PPP6R3: variants seen among roughly 807,000 people sequenced by gnomAD.
PPP6R3 encodes serine/threonine-protein phosphatase 6 regulatory subunit 3.
In PPP6R3, 38 loss-of-function variants were observed where a neutral mutation model predicts 110.7. That is an observed-to-expected ratio of 0.34 (90% CI 0.26 to 0.45). PPP6R3 has a LOEUF of 0.45. PPP6R3 is among the 20% of genes least tolerant of loss of function. The probability of loss-of-function intolerance (pLI) is 1.00; values close to 1 mark genes in which losing one functional copy is unlikely to be tolerated. For synonymous variants in PPP6R3, 369 were observed against 373.5 expected (o/e 0.99, Z 0.14); for missense variants, 870 against 1,062.4 (o/e 0.82, Z 2.52).
chr11:68,600,574 T>C, intron 20 of PPP6R3, 80 bp downstream of exon 20: 1 of 1,491,726 alleles, frequency 6.7e-7, no homozygotes, highest in Non-Finnish European at 9.0e-7. Context: ...ACGTGTGTTC[T>C]TCACCTTGAC....
intron 19 of PPP6R3, among the ~76,000 whole-genome samples, chr11:68,597,155 T>A (rs1389071832): frequency 2.0e-5 from 3 of 152,220 alleles, no homozygotes; most frequent in Non-Finnish European, 4.4e-5. Context: ...CCACAGACTC[T>A]GCCTCCAGGG....
Position 68,613,599 on chromosome 11 carries a change from T to A in PPP6R3, c.*482T>A. On this transcript the variant is annotated 3_prime_UTR_variant, in exon 24 of 24. Coordinates refer to ENST00000393800, the MANE Select transcript of PPP6R3 (RefSeq NM_001164161.2). The stretch of plus-strand genomic sequence containing the variant: ...CCGACAAGGAGTTGTAGAATGAAAA[T>A]GCCCTCTAAGTGTTATTTTGGTTGT... 46 of 985,994 alleles carry A rather than the reference T, an allele frequency of 4.7e-5. No homozygotes were observed. The highest frequency in any genetic ancestry group is 5.5e-5 in the Non-Finnish European group (46 of 830,104). The allele number at this position is 985,994 out of a possible 1,614,324, so 61.1% of individuals were successfully genotyped here.
intron 1 of PPP6R3, among the ~76,000 whole-genome samples, chr11:68,484,193 TTG>T (rs992622487): frequency 1.1e-4 from 16 of 152,214 alleles, no homozygotes; most frequent in Admixed American, 3.3e-4. Flanking sequence ...GTGCAGGTTT[TTG>T]TGTGGACGTA....
At chr11:68,483,951 T>C (rs1016240601) in intron 1 of PPP6R3, among the ~76,000 whole-genome samples, 2 of 152,230 alleles carry the variant, frequency 1.3e-5, no homozygotes, top group Non-Finnish European at 2.9e-5. Flanking sequence ...CTTTGTCTTT[T>C]CCAGAATGTC....
At position 68,608,409 on chromosome 11, in the gene PPP6R3, G is replaced by C. The variant is rs886781661; in HGVS notation, c.2451-1495G>C. 2.0e-5 allele frequency among the ~76,000 whole-genome samples: 3 copies of C among 152,266 alleles called. No individual in the cohort carries two copies. The East Asian group carries it at 5.8e-4, about 29-fold the overall frequency. ...CGAGCAGCAGTTAAAGGTGGATGAT[G>C]TTGAGTGGCGGTGGGCTGCAGCCTG... On this transcript the variant is annotated intron_variant, in intron 22 of 23. Coordinates refer to ENST00000393800, the MANE Select transcript of PPP6R3 (RefSeq NM_001164161.2).
chr11:68,545,070 C>G (rs1159992035), intron 4 of PPP6R3, 46 bp downstream of exon 4: 6 of 1,421,796 alleles, frequency 4.2e-6, no homozygotes, highest in African/African-American at 1.4e-5. Flanking sequence ...TGATCATCCC[C>G]TTGAGGTGAT....
intron 4 of PPP6R3, among the ~76,000 whole-genome samples, chr11:68,546,421 A>G (rs914966863): frequency 2.6e-5 from 4 of 152,214 alleles, no homozygotes; most frequent in East Asian, 1.9e-4. Flanking sequence ...CAGTGTACAC[A>G]TAAAGAGAGA....
At chr11:68,461,907 C>T (rs772145822) in intron 1 of PPP6R3, among the ~76,000 whole-genome samples, 1 of 152,208 alleles carries the variant, frequency 6.6e-6, no homozygotes, top group African/African-American at 2.4e-5. Flanking sequence ...AACCACCGAA[C>T]TGTGCCTCAA....
chr11:68,503,558 G>C (rs1372168700), intron 1 of PPP6R3, among the ~76,000 whole-genome samples: 1 of 152,218 alleles, frequency 6.6e-6, no homozygotes, highest in Non-Finnish European at 1.5e-5. Flanking sequence ...CAGGCGAGGA[G>C]AATGTTCTAA....
rs929752436 is a variant in PPP6R3 at position 68,601,203 on chromosome 11, C to T, written c.2193-660C>T. Among the ~76,000 whole-genome samples the T allele has an allele frequency of 6.6e-5, 10 of 152,286 alleles. No individual in the cohort carries two copies. In the Middle Eastern group the frequency reaches 0.014, roughly 207 times the overall value. On this transcript the variant is annotated intron_variant, in intron 20 of 23. Coordinates refer to ENST00000393800, the MANE Select transcript of PPP6R3 (RefSeq NM_001164161.2). ...CTTTTCAGTACAGGACATACATTTCCGCCTACTCCTTTTTTTGGTCTGTTT... is the reference window on the plus strand; with the variant it reads ...CTTTTCAGTACAGGACATACATTTCTGCCTACTCCTTTTTTTGGTCTGTTT...
At chr11:68,502,159 T>G (rs1363886049) in intron 1 of PPP6R3, among the ~76,000 whole-genome samples, 1 of 152,224 alleles carries the variant, frequency 6.6e-6, no homozygotes, top group Non-Finnish European at 1.5e-5. Flanking sequence ...GTATGTAATC[T>G]TAAATTTTCT....
chr11:68,511,780 C>T (rs1167747750), intron 1 of PPP6R3, among the ~76,000 whole-genome samples: 3 of 126,504 alleles, frequency 2.4e-5, no homozygotes, highest in South Asian at 5.5e-4. Context: ...TGCGCCCAGC[C>T]GTGTGTGTGT....
At chr11:68,462,593 C>T (rs2098715884) in intron 1 of PPP6R3, among the ~76,000 whole-genome samples, 1 of 152,174 alleles carries the variant, frequency 6.6e-6, no homozygotes, top group Admixed American at 6.5e-5. Flanking sequence ...TTGCAGTATT[C>T]TTCAGCAAAG....
intron 1 of PPP6R3, among the ~76,000 whole-genome samples, chr11:68,513,046 T>A (rs556630039): frequency 1.1e-4 from 16 of 152,224 alleles, no homozygotes; most frequent in Admixed American, 3.9e-4. Flanking sequence ...GCCTTTGGAC[T>A]CCACGATATA....
chr11:68,504,279 A>T (rs2099063704), intron 1 of PPP6R3, among the ~76,000 whole-genome samples: 1 of 152,050 alleles, frequency 6.6e-6, no homozygotes, highest in Non-Finnish European at 1.5e-5. Context: ...TTTCATTAAA[A>T]TTTTTCAAGA....
At chr11:68,541,449 G>A (rs2099314900) in intron 3 of PPP6R3, among the ~76,000 whole-genome samples, 1 of 152,196 alleles carries the variant, frequency 6.6e-6, no homozygotes, top group African/African-American at 2.4e-5. Context: ...TCTAGGTATG[G>A]AATGGGAGAT....
intron 1 of PPP6R3, among the ~76,000 whole-genome samples, chr11:68,518,849 CT>C (rs200617470): frequency 2.4e-4 from 36 of 151,000 alleles, no homozygotes; most frequent in Non-Finnish European, 4.1e-4. Flanking sequence ...TAGAGGATTT[CT>C]TTTTTTTTGG....
chr11:68,568,994 T>C (rs1362916706), intron 10 of PPP6R3, among the ~76,000 whole-genome samples: 4 of 152,104 alleles, frequency 2.6e-5, no homozygotes, highest in Admixed American at 6.6e-5. Context: ...TCTCCTGACC[T>C]CGTGATCCGC....
intron 1 of PPP6R3, among the ~76,000 whole-genome samples, chr11:68,478,647 G>GTTTGTTTTTTT (rs2098860395): frequency 2.0e-5 from 1 of 50,506 alleles, no homozygotes; most frequent in Non-Finnish European, 3.1e-5. Context: ...CACTTGGTAA[G>GTTTGTTTTTTT]TTTTTTTTTT....
Sources: gnomAD v4.1 joint callset for allele counts (sites outside exome capture counted in the v4.1 genomes callset) on GRCh38, gnomAD v4.1.1 for gene constraint, MANE v1.5 for transcripts, NCBI Gene and HGNC (gene_info 2026-07-23, HGNC 2026-07-21) for gene names.